TPD52L1: variants seen among roughly 807,000 people sequenced by gnomAD.
The protein encoded by TPD52L1 is tumor protein D53.
Under a neutral mutation model 28.7 loss-of-function variants are expected in TPD52L1, and 18 were observed. That is an observed-to-expected ratio of 0.63 (90% CI 0.43 to 0.93). The LOEUF (loss-of-function observed/expected upper bound fraction) is 0.93. TPD52L1 is among the 40% of genes least tolerant of loss of function. The probability of loss-of-function intolerance (pLI) is 0.00; values close to 1 mark genes in which losing one functional copy is unlikely to be tolerated. For synonymous variants in TPD52L1, 75 were observed against 88.8 expected (o/e 0.84, Z 0.88); for missense variants, 203 against 254.8 (o/e 0.80, Z 1.39).
intron 3 of TPD52L1, among the ~76,000 whole-genome samples, chr6:125,233,674 ACTTT>A (rs1250941844): frequency 6.6e-6 from 1 of 152,244 alleles, no homozygotes; most frequent in Admixed American, 6.5e-5. Context: ...TTAAAGGAAC[ACTTT>A]CTTTTAAATC....
At chr6:125,192,146 G>A (rs938951843) in intron 1 of TPD52L1, among the ~76,000 whole-genome samples, 1 of 151,970 alleles carries the variant, frequency 6.6e-6, no homozygotes, top group African/African-American at 2.4e-5. Context: ...GGAAATTTTT[G>A]TTTTCCTGAT....
intron 1 of TPD52L1, among the ~76,000 whole-genome samples, chr6:125,174,400 A>C (rs1791696796): frequency 6.6e-6 from 1 of 152,192 alleles, no homozygotes; most frequent in South Asian, 2.1e-4. Flanking sequence ...ACAAAGTTAA[A>C]AATAGCTTTC....
At chr6:125,192,039 A>G (rs964497638) in intron 1 of TPD52L1, among the ~76,000 whole-genome samples, 4 of 152,168 alleles carry the variant, frequency 2.6e-5, no homozygotes, top group African/African-American at 9.6e-5. Context: ...GTAGCATGCC[A>G]GGGGGGAAGA....
intron 1 of TPD52L1, among the ~76,000 whole-genome samples, chr6:125,160,317 A>G (rs72973356): frequency 0.11 from 17,139 of 152,180 alleles, 1,326 homozygotes; most frequent in Non-Finnish European, 0.18. Context: ...TTTATAGAGC[A>G]CATTTTCTAA....
chr6:125,200,447 T>C (rs6938821), intron 1 of TPD52L1, among the ~76,000 whole-genome samples: 3,536 of 152,328 alleles, frequency 0.023, 56 homozygotes, highest in African/African-American at 0.053. Flanking sequence ...TCAGTAGTCA[T>C]TTATCTGCAG....
At chr6:125,252,166 C>T (rs3799733) in intron 4 of TPD52L1, 2 of 1,045,832 alleles carry the variant, frequency 1.9e-6, no homozygotes, top group African/African-American at 1.6e-5. Context: ...AGACAGTTCC[C>T]GTGACCAGGA....
chr6:125,256,141 A>G (rs1797585133), intron 5 of TPD52L1, among the ~76,000 whole-genome samples: 1 of 152,156 alleles, frequency 6.6e-6, no homozygotes, highest in South Asian at 2.1e-4. Context: ...CTGAGGTCAG[A>G]ATTCGAGACC....
At chr6:125,176,393 GTT>G (rs1791826478) in intron 1 of TPD52L1, among the ~76,000 whole-genome samples, 1 of 152,156 alleles carries the variant, frequency 6.6e-6, no homozygotes, top group Admixed American at 6.5e-5. Context: ...GCCTGCTAGG[GTT>G]TGAAATATTG....
chr6:125,234,138 TAAACATTAGCTGCCATTGCTTTAAA>T (rs1796113882), intron 3 of TPD52L1, among the ~76,000 whole-genome samples: 1 of 152,240 alleles, frequency 6.6e-6, no homozygotes, highest in African/African-American at 2.4e-5. Context: ...AGGTGCTCTA[TAAACATTAGCTGCCATTGCTTTAAA>T]AAACATTAGC....
chr6:125,193,673 A>C (rs112772497), intron 1 of TPD52L1, among the ~76,000 whole-genome samples: 1 of 152,216 alleles, frequency 6.6e-6, no homozygotes, highest in African/African-American at 2.4e-5. Context: ...ACACACATAC[A>C]GATGAAAAAT....
chr6:125,234,411 T>G (rs1796132555), intron 3 of TPD52L1: 1 of 152,226 alleles, frequency 6.6e-6, no homozygotes, highest in Non-Finnish European at 1.5e-5. Flanking sequence ...TCCGCTCCTG[T>G]AGCTGAAGTG....
chr6:125,245,873 C>T (rs549107778), intron 3 of TPD52L1, among the ~76,000 whole-genome samples: 3 of 152,340 alleles, frequency 2.0e-5, no homozygotes, highest in Admixed American at 6.5e-5. Flanking sequence ...TTTCAGGCCT[C>T]GCCCCTACCT....
intron 1 of TPD52L1, among the ~76,000 whole-genome samples, chr6:125,211,273 A>ATCTG (rs1252365980): frequency 1.4e-5 from 2 of 145,270 alleles, no homozygotes; most frequent in Non-Finnish European, 3.0e-5. Flanking sequence ...CTATCTATCT[A>ATCTG]TCTATCTATC....
At chr6:125,248,406 G>A (rs1402310726) in intron 4 of TPD52L1, 23 bp downstream of exon 4, 2 of 1,588,672 alleles carry the variant, frequency 1.3e-6, no homozygotes, top group Non-Finnish European at 1.7e-6. Flanking sequence ...AATACCATGG[G>A]AACGGCGCTA....
At chr6:125,239,424 G>A (rs1437740120) in intron 3 of TPD52L1, among the ~76,000 whole-genome samples, 1 of 152,166 alleles carries the variant, frequency 6.6e-6, no homozygotes, top group Non-Finnish European at 1.5e-5. Flanking sequence ...AAGGTGGAAG[G>A]CACATCTTAC....
intron 1 of TPD52L1, among the ~76,000 whole-genome samples, chr6:125,188,146 C>T (rs1792773586): frequency 6.6e-6 from 1 of 152,214 alleles, no homozygotes; most frequent in Non-Finnish European, 1.5e-5. Context: ...CCTTCAGCTT[C>T]TTAGGTTTTG....
At chr6:125,210,917 G>A (rs1022794154) in intron 1 of TPD52L1, among the ~76,000 whole-genome samples, 5 of 152,172 alleles carry the variant, frequency 3.3e-5, no homozygotes, top group African/African-American at 1.2e-4. Flanking sequence ...TTCTTCCTGA[G>A]ATTGGTTTGT....
At chr6:125,184,105 A>G (rs1792419089) in intron 1 of TPD52L1, among the ~76,000 whole-genome samples, 1 of 152,152 alleles carries the variant, frequency 6.6e-6, no homozygotes, top group African/African-American at 2.4e-5. Flanking sequence ...TGCACAGCTG[A>G]AGTAGTAGAC....
chr6:125,172,531 T>C (rs558869042), intron 1 of TPD52L1, among the ~76,000 whole-genome samples: 2 of 87,140 alleles, frequency 2.3e-5, no homozygotes, highest in Non-Finnish European at 4.2e-5. Context: ...TATATATATA[T>C]ATATATATAT....
Sources: gnomAD v4.1 joint callset for allele counts (sites outside exome capture counted in the v4.1 genomes callset) on GRCh38, gnomAD v4.1.1 for gene constraint, MANE v1.5 for transcripts, NCBI Gene and HGNC (gene_info 2026-07-23, HGNC 2026-07-21) for gene names.